The following CADPS variants were observed in gnomAD, a reference collection of about 807,000 sequenced individuals.
The protein encoded by CADPS is calcium-dependent secretion activator 1.
CADPS carries 57 observed loss-of-function variants against 167.3 expected under a neutral mutation model. The observed-to-expected ratio is 0.34, with a 90% CI of 0.28 to 0.42. CADPS has a LOEUF of 0.42. Ranked by LOEUF, CADPS falls within the 20% of genes least tolerant of loss-of-function variation. The pLI is 1.00. For synonymous variants in CADPS, 676 were observed against 635.3 expected, an observed-to-expected ratio of 1.06 and a Z score of -0.96; for missense variants, 1,414 against 1,738.1, an observed-to-expected ratio of 0.81 and a Z score of 3.32.
intron 1 of CADPS, among the ~76,000 whole-genome samples, chr3:62,855,964 G>A (rs2079604210): frequency 1.3e-5 from 2 of 152,028 alleles, no homozygotes; most frequent in South Asian, 4.1e-4. Flanking sequence ...TCTTCCCAAA[G>A]TAATCAACTT....
intron 4 of CADPS, among the ~76,000 whole-genome samples, chr3:62,657,319 T>C (rs2071896970): frequency 2.0e-5 from 3 of 152,164 alleles, no homozygotes; most frequent in Admixed American, 6.5e-5. Context: ...ACCAATGGTG[T>C]TTTACTCCCA....
chr3:62,778,265 T>C (rs1036384292), intron 1 of CADPS, among the ~76,000 whole-genome samples: 26 of 152,214 alleles, frequency 1.7e-4, no homozygotes, highest in Admixed American at 1.6e-3. Context: ...AGCTCCTTTT[T>C]CCCCTTATAA....
At chr3:62,577,630 C>A (rs994168775) in intron 8 of CADPS, among the ~76,000 whole-genome samples, 1 of 152,238 alleles carries the variant, frequency 6.6e-6, no homozygotes, top group Non-Finnish European at 1.5e-5. Context: ...AACAATAACT[C>A]TTCTATAGCT....
chr3:62,466,483 A>C, intron 24 of CADPS, 70 bp from the exon 25 acceptor site: 1 of 961,558 alleles, frequency 1.0e-6, no homozygotes, highest in Non-Finnish European at 1.7e-6. Flanking sequence ...AGTAATTTTT[A>C]GACAACTTAA....
intron 3 of CADPS, among the ~76,000 whole-genome samples, chr3:62,673,142 A>G (rs2075819309): frequency 1.3e-5 from 2 of 152,246 alleles, no homozygotes. Context: ...TGTCTTGTTC[A>G]TTATAAAAAT....
chr3:62,521,847 G>A (rs189048260), intron 13 of CADPS, among the ~76,000 whole-genome samples: 2 of 152,248 alleles, frequency 1.3e-5, no homozygotes, highest in South Asian at 2.1e-4. Flanking sequence ...TATTAAAGCC[G>A]AAGGGCTTCC....
intron 6 of CADPS, among the ~76,000 whole-genome samples, chr3:62,618,991 G>A (rs994300851): frequency 4.6e-5 from 7 of 152,318 alleles, no homozygotes; most frequent in African/African-American, 1.7e-4. Flanking sequence ...TATAGGAAAA[G>A]GCAAACTAAG....
intron 3 of CADPS, among the ~76,000 whole-genome samples, chr3:62,666,373 G>A (rs1217457669): frequency 6.6e-6 from 1 of 152,074 alleles, no homozygotes; most frequent in Admixed American, 6.6e-5. Flanking sequence ...AAAATATAAA[G>A]AGAAATCAAG....
At chr3:62,496,961 T>C (rs9839020) in intron 18 of CADPS, among the ~76,000 whole-genome samples, 85,538 of 152,010 alleles carry the variant, frequency 0.56, 24,066 homozygotes, top group East Asian at 0.6. Flanking sequence ...CTCAGGCACT[T>C]CAAAGTATGC....
chr3:62,522,012 T>C (rs539224307), intron 13 of CADPS, among the ~76,000 whole-genome samples: 2 of 152,296 alleles, frequency 1.3e-5, no homozygotes, highest in East Asian at 1.9e-4. Flanking sequence ...CCAGCAGCTG[T>C]GCCTTGACCA....
intron 1 of CADPS, among the ~76,000 whole-genome samples, chr3:62,832,579 C>T (rs548079974): frequency 6.6e-6 from 1 of 152,322 alleles, no homozygotes; most frequent in African/African-American, 2.4e-5. Flanking sequence ...TTTCACCTAG[C>T]ACCATAAATT....
intron 1 of CADPS, among the ~76,000 whole-genome samples, chr3:62,786,704 T>A (rs1176803303): frequency 6.6e-6 from 1 of 152,090 alleles, no homozygotes; most frequent in Non-Finnish European, 1.5e-5. Flanking sequence ...CCTAAAGTAT[T>A]GTAAATCATC....
chr3:62,692,415 A>G lies in CADPS; in HGVS notation c.889-30021T>C, dbSNP rs189441690. The stretch of plus-strand genomic sequence containing the variant: ...TTCCTGAATAGCAGCAGACATCACT[A>G]ATTCATCTGCATTCTTTCCCATGAA... On this transcript the variant is annotated intron_variant, in intron 3 of 29. Transcript: ENST00000383710. Among the ~76,000 whole-genome samples, 1,289 of 152,008 alleles carry G rather than the reference A, an allele frequency of 8.5e-3. 11 individuals are homozygous for G. Among genetic ancestry groups the G allele is most frequent in the Non-Finnish European group, 0.015 (1,000 of 67,976 alleles).
At chr3:62,779,756 C>G (rs959519330) in intron 1 of CADPS, 3 of 332,238 alleles carry the variant, frequency 9.0e-6, no homozygotes, top group African/African-American at 4.3e-5. Flanking sequence ...TGTAGGTTAC[C>G]TGGCCAACCT....
intron 1 of CADPS, among the ~76,000 whole-genome samples, chr3:62,839,800 A>T (rs1577132955): frequency 6.6e-6 from 1 of 152,330 alleles, no homozygotes; most frequent in Middle Eastern, 3.4e-3. Context: ...CCAAGAAGGA[A>T]GGCAGATGCA....
chr3:62,859,710 G>A (rs747421957), intron 1 of CADPS, among the ~76,000 whole-genome samples: 1 of 152,132 alleles, frequency 6.6e-6, no homozygotes, highest in African/African-American at 2.4e-5. Flanking sequence ...AATTATGTGG[G>A]GCTTTTGTCA....
chr3:62,693,609 C>T (rs2079628530), intron 3 of CADPS, among the ~76,000 whole-genome samples: 1 of 151,770 alleles, frequency 6.6e-6, no homozygotes, highest in Non-Finnish European at 1.5e-5. Context: ...TGGTGAAACT[C>T]TGTCTGTACC....
chr3:62,731,976 A>T (rs549654671), intron 3 of CADPS, among the ~76,000 whole-genome samples: 1 of 152,106 alleles, frequency 6.6e-6, no homozygotes, highest in South Asian at 2.1e-4. Context: ...GATGAGAAGG[A>T]TGTAGGGGCA....
chr3:62,697,037 C>T (rs964090642), intron 3 of CADPS, among the ~76,000 whole-genome samples: 2 of 152,074 alleles, frequency 1.3e-5, no homozygotes, highest in Non-Finnish European at 2.9e-5. Flanking sequence ...GCTTTGGAGA[C>T]ACAAAGACTT....
Sources: allele counts gnomAD v4.1 joint callset (sites outside exome capture counted in the v4.1 genomes callset), GRCh38; gene constraint gnomAD v4.1.1; transcripts MANE v1.5; gene names NCBI Gene and HGNC (gene_info 2026-07-23, HGNC 2026-07-21).